The following BTRC variants were observed in gnomAD, a reference collection of about 807,000 sequenced individuals.
BTRC encodes the protein beta-transducin repeat containing E3 ubiquitin protein ligase.
BTRC carries 42 observed loss-of-function variants against 85.5 expected under a neutral mutation model. The observed-to-expected ratio is 0.49, with a 90% CI of 0.38 to 0.64. The LOEUF (loss-of-function observed/expected upper bound fraction) is 0.64, where lower values mean the gene tolerates loss of function less well. BTRC is among the 30% of genes least tolerant of loss of function. BTRC has a pLI of 0.00. For missense variants in BTRC, 594 were observed against 743.5 expected (o/e 0.80, Z 2.34); for synonymous variants, 255 against 263.3 (o/e 0.97, Z 0.30).
chr10:101,369,820 T>A (rs753389603), intron 1 of BTRC, among the ~76,000 whole-genome samples: 1 of 152,236 alleles, frequency 6.6e-6, no homozygotes, highest in Non-Finnish European at 1.5e-5. Flanking sequence ...GTAACTCCAT[T>A]TTCTGACAGT....
intron 7 of BTRC, among the ~76,000 whole-genome samples, chr10:101,532,078 G>A (rs899602414): frequency 6.6e-6 from 1 of 152,144 alleles, no homozygotes. Flanking sequence ...CAAATTATAG[G>A]CAGGGAAGTT....
rs1230682383 is a variant in BTRC, at chr10:101,435,939, AAAG to A, written c.156+5491_156+5493del. 9.9e-5 allele frequency among the ~76,000 whole-genome samples: 15 copies of A among 152,232 alleles called. No individual in the cohort carries two copies. In the East Asian group the frequency reaches 2.9e-3, roughly 29 times the overall value. On this transcript the variant is annotated intron_variant, in intron 2 of 14. Transcript: ENST00000370187. ...CTTAAGTCAAAATTCTTATGGCAAT[AAAG>A]AAGGAGAAGCTATGGAGTCATTGCT...
intron 1 of BTRC, among the ~76,000 whole-genome samples, chr10:101,390,612 G>T (rs1227684246): frequency 6.6e-6 from 1 of 151,992 alleles, no homozygotes; most frequent in Non-Finnish European, 1.5e-5. Flanking sequence ...GATTACAGGC[G>T]TGAGCCACCA....
chr10:101,522,951 A>AT (rs1400369938), intron 5 of BTRC, among the ~76,000 whole-genome samples: 1 of 152,162 alleles, frequency 6.6e-6, no homozygotes, highest in Non-Finnish European at 1.5e-5. Flanking sequence ...CAGGCCTGTA[A>AT]TTCCAGCACT....
In BTRC at chr10:101,366,991, TA is replaced by T. The variant is rs1564730689; in HGVS notation, c.48+12764del. On this transcript the variant is annotated intron_variant, in intron 1 of 14. Transcript: ENST00000370187. ...AAATATATATTTATATATTTATATA[TA>T]TTAATATATATATTTATATATATAT... Among the ~76,000 whole-genome samples, 234 of 71,412 alleles carry T rather than the reference TA, an allele frequency of 3.3e-3. 28 individuals carry two copies. Among genetic ancestry groups the T allele is most frequent in the African/African-American group, 0.013 (228 of 17,874 alleles). The allele number at this position is 71,412 out of a possible 152,430, so 46.8% of individuals were successfully genotyped here. A position where few individuals can be genotyped will look rare whatever the true frequency, so the allele number is the denominator to read the frequency against.
intron 3 of BTRC, among the ~76,000 whole-genome samples, chr10:101,463,495 A>G (rs1423886188): frequency 1.3e-5 from 2 of 152,196 alleles, no homozygotes; most frequent in Non-Finnish European, 2.9e-5. Context: ...TTCATTTTTA[A>G]TATAAAATTG....
intron 2 of BTRC, among the ~76,000 whole-genome samples, chr10:101,445,231 A>G (rs543210073): frequency 1.6e-4 from 25 of 152,186 alleles, no homozygotes; most frequent in Non-Finnish European, 3.5e-4. Context: ...GGACATTGGA[A>G]TAGCTGATTG....
At chr10:101,360,095 C>T (rs1942157390) in intron 1 of BTRC, among the ~76,000 whole-genome samples, 1 of 152,154 alleles carries the variant, frequency 6.6e-6, no homozygotes, top group African/African-American at 2.4e-5. Flanking sequence ...CACTCTGTCA[C>T]CCAGGCTGGA....
chr10:101,501,085 A>G (rs889166050), intron 4 of BTRC, among the ~76,000 whole-genome samples: 2 of 151,982 alleles, frequency 1.3e-5, no homozygotes, highest in African/African-American at 4.8e-5. Flanking sequence ...AGTCCCAGCT[A>G]CTCAGGAGGC....
intron 2 of BTRC, among the ~76,000 whole-genome samples, chr10:101,451,158 A>T (rs1264027282): frequency 6.6e-6 from 1 of 152,216 alleles, no homozygotes; most frequent in Non-Finnish European, 1.5e-5. Context: ...TGCCAGGAAT[A>T]GTTTGACAGT....
intron 1 of BTRC, among the ~76,000 whole-genome samples, chr10:101,408,679 A>G (rs1162989002): frequency 6.6e-6 from 1 of 152,152 alleles, no homozygotes; most frequent in Non-Finnish European, 1.5e-5. Context: ...ATTCCATTTT[A>G]TGCCTTCTAT....
intron 2 of BTRC, among the ~76,000 whole-genome samples, chr10:101,458,314 C>T (rs909714164): frequency 3.9e-5 from 6 of 152,034 alleles, no homozygotes; most frequent in African/African-American, 1.4e-4. Flanking sequence ...GAAAATGGCA[C>T]AAATTATTGA....
At position 101,550,843 on chromosome 10, in the gene BTRC, A is replaced by T. The variant is rs149417971; in HGVS notation, c.1801A>T (p.Thr601Ser). 3.2e-5 allele frequency: 51 copies of T among 1,613,698 alleles called. No individual in the cohort carries two copies. The African/African-American group carries it at 5.6e-4, about 18-fold the overall frequency. The change falls in exon 14 of 15, where the codon ACC becomes TCC. Residue 601 changes from threonine to serine, a missense_variant. Transcript: ENST00000370187. ...CCCCCGTTCCCCTTCTCGAACATAC[A>T]CCTACATCTCCAGATAAATAACCAT... ...EPPRSPSRTY[T>S]YISR
intron 1 of BTRC, among the ~76,000 whole-genome samples, chr10:101,358,338 C>G (rs1301440926): frequency 6.6e-6 from 1 of 152,062 alleles, no homozygotes; most frequent in Non-Finnish European, 1.5e-5. Flanking sequence ...CTCCTGGGCT[C>G]AAGGGGTCCT....
chr10:101,356,405 T>TTA (rs1942036175), intron 1 of BTRC, among the ~76,000 whole-genome samples: 1 of 152,138 alleles, frequency 6.6e-6, no homozygotes, highest in African/African-American at 2.4e-5. Flanking sequence ...TTACTCTCAG[T>TTA]TAGACTTCAG....
intron 4 of BTRC, among the ~76,000 whole-genome samples, chr10:101,498,355 A>G (rs924437368): frequency 5.3e-5 from 8 of 151,830 alleles, no homozygotes; most frequent in Admixed American, 2.6e-4. Flanking sequence ...GGGTTTCACT[A>G]TTTTGGCCAG....
intron 2 of BTRC, among the ~76,000 whole-genome samples, chr10:101,456,019 A>ACACACACACACAG (rs1564784013): frequency 1.5e-4 from 1 of 6,782 alleles, no homozygotes; most frequent in African/African-American, 5.7e-4. Flanking sequence ...CACACACACA[A>ACACACACACACAG]AATTAGCTGG....
At chr10:101,527,608 G>T (rs943856916) in intron 6 of BTRC, among the ~76,000 whole-genome samples, 2 of 152,078 alleles carry the variant, frequency 1.3e-5, no homozygotes, top group Admixed American at 6.6e-5. Flanking sequence ...CAAAAAATTA[G>T]CTGGGCCTGG....
At chr10:101,539,229 A>G (rs541786255) in intron 13 of BTRC, among the ~76,000 whole-genome samples, 1 of 152,284 alleles carries the variant, frequency 6.6e-6, no homozygotes, top group East Asian at 1.9e-4. Context: ...GCACTAAATT[A>G]TTTATCATGT....
Sources: allele counts gnomAD v4.1 joint callset (sites outside exome capture counted in the v4.1 genomes callset), GRCh38; gene constraint gnomAD v4.1.1; transcripts MANE v1.5; gene names NCBI Gene and HGNC (gene_info 2026-07-23, HGNC 2026-07-21).